EYS: variants seen among roughly 807,000 people sequenced by gnomAD.
EYS encodes protein eyes shut homolog.
A neutral mutation model predicts 282.1 loss-of-function variants in EYS; 250 were observed. The ratio of observed to expected loss-of-function variants is 0.89; its 90% CI spans 0.80 to 0.98. EYS has a LOEUF of 0.98. Among genes scored for constraint, EYS ranks in the 50% least tolerant of loss-of-function variants. EYS has a pLI of 0.00. For missense variants in EYS, 4,016 were observed against 3,709.0 expected (o/e 1.08, Z -2.15); for synonymous variants, 1,355 against 1,282.9 (o/e 1.06, Z -1.20).
intron 29 of EYS, among the ~76,000 whole-genome samples, chr6:64,342,194 G>C (rs1042817967): frequency 6.6e-6 from 1 of 151,454 alleles, no homozygotes; most frequent in African/African-American, 2.4e-5. Flanking sequence ...TTCATTGGTG[G>C]TACAAAAACG....
At chr6:65,537,197 G>A (rs906193008) in intron 2 of EYS, among the ~76,000 whole-genome samples, 1 of 152,090 alleles carries the variant, frequency 6.6e-6, no homozygotes, top group Non-Finnish European at 1.5e-5. Flanking sequence ...GTGCCTGTCA[G>A]GGGGCAGGGG....
intron 33 of EYS, among the ~76,000 whole-genome samples, chr6:64,066,109 AAAC>A (rs542248528): frequency 2.6e-5 from 4 of 152,054 alleles, no homozygotes; most frequent in African/African-American, 9.7e-5. Context: ...TAAAACAAAC[AAAC>A]AACAACAACA....
rs1772522118 is a variant in EYS at position 64,375,114 on chromosome 6, G to T, written c.6078+13576C>A. 2.6e-5 allele frequency among the ~76,000 whole-genome samples: 4 copies of T among 152,108 alleles called. No individual in the cohort carries two copies. In the South Asian group the frequency reaches 6.2e-4, roughly 24 times the overall value. On this transcript the variant is annotated intron_variant, in intron 29 of 42. Transcript: ENST00000503581. The stretch of plus-strand genomic sequence containing the variant: ...GTCAGAAAGTAACACTTAAAAATTG[G>T]TTACTTAATACTTCAGATGTCCTTA...
intron 22 of EYS, among the ~76,000 whole-genome samples, chr6:64,684,600 G>T (rs7773981): frequency 0.9 from 135,761 of 151,030 alleles, 61,433 homozygotes; most frequent in Non-Finnish European, 0.95. Flanking sequence ...AAAATATATA[G>T]AGAGAGAGAT....
chr6:65,419,782 G>A (rs1184066337), intron 5 of EYS, among the ~76,000 whole-genome samples: 3 of 151,772 alleles, frequency 2.0e-5, no homozygotes, highest in Non-Finnish European at 4.4e-5. Context: ...GTGCATACAG[G>A]CATATCCTGG....
intron 26 of EYS, among the ~76,000 whole-genome samples, chr6:64,563,721 T>C (rs756887126): frequency 3.0e-4 from 45 of 152,120 alleles, no homozygotes; most frequent in Non-Finnish European, 5.4e-4. Context: ...TCTCAAGGAA[T>C]TGACAGTCTA....
At chr6:64,936,479 A>G (rs1388040939) in intron 15 of EYS, among the ~76,000 whole-genome samples, 2 of 151,498 alleles carry the variant, frequency 1.3e-5, no homozygotes, top group African/African-American at 4.8e-5. Context: ...AAACGTATCA[A>G]TATTGGACAG....
chr6:65,152,202 A>C (rs1764626868), intron 12 of EYS, among the ~76,000 whole-genome samples: 2 of 151,956 alleles, frequency 1.3e-5, no homozygotes, highest in Admixed American at 1.3e-4. Flanking sequence ...AAGAAATAAA[A>C]TTGGGTTTGC....
At chr6:64,526,089 G>C (rs1480087475) in intron 26 of EYS, among the ~76,000 whole-genome samples, 1 of 151,630 alleles carries the variant, frequency 6.6e-6, no homozygotes, top group Non-Finnish European at 1.5e-5. Context: ...AATCCTAAAA[G>C]GTTACATATT....
At chr6:64,471,856 C>G (rs180944472) in intron 26 of EYS, among the ~76,000 whole-genome samples, 1 of 152,068 alleles carries the variant, frequency 6.6e-6, no homozygotes, top group African/African-American at 2.4e-5. Flanking sequence ...CTAATATGTA[C>G]AAACATATAA....
intron 29 of EYS, among the ~76,000 whole-genome samples, chr6:64,365,610 C>T (rs1772157472): frequency 6.6e-6 from 1 of 151,888 alleles, no homozygotes; most frequent in Non-Finnish European, 1.5e-5. Context: ...GTACAGTAGT[C>T]CCCCCTTATT....
chr6:63,887,308 A>C, intron 35 of EYS, among the ~76,000 whole-genome samples: 1 of 136,278 alleles, frequency 7.3e-6, no homozygotes, highest in East Asian at 2.1e-4. Flanking sequence ...AAGAGGAATA[A>C]AAGGTGTTTT....
chr6:65,641,363 C>G lies in EYS; in HGVS notation c.-447-1471G>C, dbSNP rs1467488912. 3.3e-5 allele frequency among the ~76,000 whole-genome samples: 5 copies of G among 152,204 alleles called. No individual in the cohort carries two copies. In the East Asian group the frequency reaches 9.6e-4, roughly 29 times the overall value. Reference sequence around the variant, plus strand: ...CTCCATCTCAGATGCAAAGGCAATACCCTGACACAGATGTCTCCACTAGTT... The same window carrying G: ...CTCCATCTCAGATGCAAAGGCAATAGCCTGACACAGATGTCTCCACTAGTT... On this transcript the variant is annotated intron_variant, in intron 1 of 42. Coordinates refer to ENST00000503581, the MANE Select transcript of EYS (RefSeq NM_001142800.2).
intron 12 of EYS, among the ~76,000 whole-genome samples, chr6:65,234,574 T>A (rs1234956405): frequency 6.6e-6 from 1 of 152,216 alleles, no homozygotes; most frequent in African/African-American, 2.4e-5. Flanking sequence ...ATTAATTGAT[T>A]TGTGATTTTA....
chr6:65,486,431 G>C (rs900451412), intron 5 of EYS, among the ~76,000 whole-genome samples: 25 of 152,102 alleles, frequency 1.6e-4, no homozygotes, highest in African/African-American at 5.8e-4. Flanking sequence ...GCTGCATCTT[G>C]CTCAAAATCA....
intron 5 of EYS, among the ~76,000 whole-genome samples, chr6:65,464,078 A>G (rs982509403): frequency 6.6e-6 from 1 of 151,896 alleles, no homozygotes; most frequent in African/African-American, 2.4e-5. Flanking sequence ...ATTTTCTTCT[A>G]TCTATTGGAT....
chr6:64,547,229 G>A (rs530639889), intron 26 of EYS, among the ~76,000 whole-genome samples: 2 of 150,690 alleles, frequency 1.3e-5, no homozygotes, highest in Admixed American at 6.6e-5. Flanking sequence ...AAGGGGACCC[G>A]AGTGGGTTGC....
chr6:64,945,361 T>G (rs1442830939), intron 15 of EYS, among the ~76,000 whole-genome samples: 1 of 152,028 alleles, frequency 6.6e-6, no homozygotes, highest in Non-Finnish European at 1.5e-5. Context: ...ATTTATACTA[T>G]AAAATATATC....
intron 35 of EYS, among the ~76,000 whole-genome samples, chr6:63,979,308 A>G (rs1304520963): frequency 1.3e-5 from 2 of 151,958 alleles, no homozygotes; most frequent in African/African-American, 4.8e-5. Flanking sequence ...CTGGCCCATT[A>G]CAGAAAATGT....
Sources: allele counts gnomAD v4.1 joint callset (sites outside exome capture counted in the v4.1 genomes callset), GRCh38; gene constraint gnomAD v4.1.1; transcripts MANE v1.5; gene names NCBI Gene and HGNC (gene_info 2026-07-23, HGNC 2026-07-21).